NKAIN2: variants seen among roughly 807,000 people sequenced by gnomAD.
The protein encoded by NKAIN2 is sodium/potassium-transporting ATPase subunit beta-1-interacting protein 2.
In NKAIN2, 14 loss-of-function variants were observed where a neutral mutation model predicts 32.6. That is an observed-to-expected ratio of 0.43 (90% CI 0.28 to 0.67). The LOEUF (loss-of-function observed/expected upper bound fraction) is 0.67. NKAIN2 is among the 30% of genes least tolerant of loss of function. The pLI is 0.17. For synonymous variants in NKAIN2, 80 were observed against 87.2 expected (o/e 0.92, Z 0.46); for missense variants, 198 against 258.3 (o/e 0.77, Z 1.60).
intron 1 of NKAIN2, among the ~76,000 whole-genome samples, chr6:123,841,720 A>G (rs754228900): frequency 6.6e-6 from 1 of 152,104 alleles, no homozygotes; most frequent in African/African-American, 2.4e-5. Flanking sequence ...ATAACCCTCA[A>G]CGTCCAGGAT....
intron 3 of NKAIN2, among the ~76,000 whole-genome samples, chr6:124,573,554 A>G (rs1188143888): frequency 6.6e-6 from 1 of 151,610 alleles, no homozygotes; most frequent in Non-Finnish European, 1.5e-5. Context: ...TTCACAAATT[A>G]TTTTTCTAAA....
chr6:124,244,381 A>G (rs1055264017), intron 1 of NKAIN2, among the ~76,000 whole-genome samples: 1 of 151,368 alleles, frequency 6.6e-6, no homozygotes, highest in Non-Finnish European at 1.5e-5. Flanking sequence ...GAGAATGATG[A>G]TTTCCAGTTT....
chr6:124,071,623 T>TA (rs1322059161), intron 1 of NKAIN2, among the ~76,000 whole-genome samples: 34 of 151,980 alleles, frequency 2.2e-4, no homozygotes, highest in Admixed American at 1.2e-3. Context: ...TTAAACAATT[T>TA]AACAAGTCAA....
chr6:124,404,833 A>G lies in NKAIN2; in HGVS notation c.273+49486A>G, dbSNP rs376769326. 2.1e-4 allele frequency among the ~76,000 whole-genome samples: 32 copies of G among 152,304 alleles called. No individual in the cohort carries two copies. In the South Asian group the frequency reaches 6.6e-3, roughly 32 times the overall value. On this transcript the variant is annotated intron_variant, in intron 3 of 6. Coordinates refer to ENST00000368417, the MANE Select transcript of NKAIN2 (RefSeq NM_001040214.3). Reference sequence around the variant, plus strand: ...TAAATCTTGTATCTTAAATTTACCAAGAGATTCTTTTTATTCATTTCATTC... The same window carrying G: ...TAAATCTTGTATCTTAAATTTACCAGGAGATTCTTTTTATTCATTTCATTC...
intron 1 of NKAIN2, among the ~76,000 whole-genome samples, chr6:124,261,428 T>G (rs1212227829): frequency 1.3e-5 from 2 of 152,210 alleles, no homozygotes; most frequent in African/African-American, 4.8e-5. Context: ...TAGTTGCACC[T>G]GATTTACATG....
chr6:123,976,348 CATATATATATATATATATATTCCCATAT>C lies in NKAIN2; in HGVS notation c.54+172115_54+172142del, dbSNP rs1180991076. Among the ~76,000 whole-genome samples the C allele has an allele frequency of 9.6e-3, 132 of 13,682 alleles. 12 individuals are homozygous for C. The highest frequency in any genetic ancestry group is 0.032 in the African/African-American group (129 of 4,024). The allele number at this position is 13,682 out of a possible 152,430, so 9.0% of individuals were successfully genotyped here. ...ATGTTCCCATATATATATATGTTCC[CATATATATATATATATATATTCCCATAT>C]ATATATATATATATATATATATATA... On this transcript the variant is annotated intron_variant, in intron 1 of 6. Transcript: ENST00000368417.
In NKAIN2 at chr6:124,155,850, G is replaced by A. The variant is rs1787957565; in HGVS notation, c.55-127155G>A. Among the ~76,000 whole-genome samples the A allele has an allele frequency of 3.3e-5, 5 of 151,748 alleles. No individual in the cohort carries two copies. In the South Asian group the frequency reaches 1.0e-3, roughly 31 times the overall value. ...GCATAAATGAAAAGATAAATGGTGTGATCTCATTTCATATTGTTTCCTTGG... is the reference window on the plus strand; with the variant it reads ...GCATAAATGAAAAGATAAATGGTGTAATCTCATTTCATATTGTTTCCTTGG... On this transcript the variant is annotated intron_variant, in intron 1 of 6. Coordinates refer to ENST00000368417, the MANE Select transcript of NKAIN2 (RefSeq NM_001040214.3).
At chr6:124,202,838 T>C (rs373686166) in intron 1 of NKAIN2, among the ~76,000 whole-genome samples, 13 of 151,882 alleles carry the variant, frequency 8.6e-5, no homozygotes, top group African/African-American at 3.1e-4. Context: ...GAGTTATATG[T>C]AGGATTCTTG....
intron 3 of NKAIN2, among the ~76,000 whole-genome samples, chr6:124,431,250 C>A (rs1370461510): frequency 6.6e-6 from 1 of 152,098 alleles, no homozygotes; most frequent in African/African-American, 2.4e-5. Flanking sequence ...TCCCTCTTCT[C>A]TATTTACTCG....
intron 2 of NKAIN2, among the ~76,000 whole-genome samples, chr6:124,341,851 C>T (rs1049596733): frequency 1.3e-5 from 2 of 152,128 alleles, no homozygotes; most frequent in African/African-American, 2.4e-5. Flanking sequence ...AATTAGAACA[C>T]AAGATTTACA....
At chr6:124,820,639 C>T (rs1364968145) in intron 6 of NKAIN2, among the ~76,000 whole-genome samples, 3 of 152,150 alleles carry the variant, frequency 2.0e-5, no homozygotes, top group Non-Finnish European at 2.9e-5. Context: ...TCCCCTGGGC[C>T]GTGAATAGTC....
chr6:124,258,672 A>T (rs1794070627), intron 1 of NKAIN2, among the ~76,000 whole-genome samples: 1 of 152,236 alleles, frequency 6.6e-6, no homozygotes, highest in African/African-American at 2.4e-5. Context: ...GGAAAATAAC[A>T]GTTTTCACCA....
At chr6:124,766,255 T>A (rs1778509435) in intron 4 of NKAIN2, among the ~76,000 whole-genome samples, 1 of 152,194 alleles carries the variant, frequency 6.6e-6, no homozygotes, top group Admixed American at 6.5e-5. Flanking sequence ...TCGTTTAAAG[T>A]GCCTCTTAGG....
intron 3 of NKAIN2, among the ~76,000 whole-genome samples, chr6:124,615,835 T>C (rs1025962526): frequency 2.0e-5 from 3 of 152,230 alleles, no homozygotes; most frequent in Non-Finnish European, 2.9e-5. Flanking sequence ...TCTCTTTTCA[T>C]GTTCAATGAC....
At chr6:124,586,956 C>T (rs1211757389) in intron 3 of NKAIN2, among the ~76,000 whole-genome samples, 1 of 152,186 alleles carries the variant, frequency 6.6e-6, no homozygotes, top group Non-Finnish European at 1.5e-5. Flanking sequence ...ATTTATACAA[C>T]TCCTCTTATA....
intron 4 of NKAIN2, among the ~76,000 whole-genome samples, chr6:124,765,967 A>T (rs1778496448): frequency 6.6e-6 from 1 of 152,226 alleles, no homozygotes; most frequent in Admixed American, 6.5e-5. Flanking sequence ...TCTGCTACAC[A>T]TCTAAAACAA....
intron 1 of NKAIN2, among the ~76,000 whole-genome samples, chr6:123,829,832 A>G (rs1042166847): frequency 6.6e-6 from 1 of 152,226 alleles, no homozygotes; most frequent in African/African-American, 2.4e-5. Flanking sequence ...AAAGTAACTA[A>G]CTAATCATGC....
chr6:124,476,658 A>G lies in NKAIN2; in HGVS notation c.273+121311A>G, dbSNP rs139261013. ...TAAATGTATTGTCATAACAAGGGAAATATACCCCATGACAGCACCAAGTCA... is the reference window on the plus strand; with the variant it reads ...TAAATGTATTGTCATAACAAGGGAAGTATACCCCATGACAGCACCAAGTCA... On this transcript the variant is annotated intron_variant, in intron 3 of 6. Transcript: ENST00000368417. Among the ~76,000 whole-genome samples the G allele has an allele frequency of 9.2e-3, 1,398 of 152,310 alleles. 21 individuals carry two copies. The highest frequency in any genetic ancestry group is 0.032 in the African/African-American group (1,337 of 41,560).
At chr6:123,991,842 C>T (rs940776761) in intron 1 of NKAIN2, among the ~76,000 whole-genome samples, 7 of 151,384 alleles carry the variant, frequency 4.6e-5, no homozygotes, top group South Asian at 2.1e-4. Flanking sequence ...ACAGCCTGGG[C>T]GACATAGCGA....
Sources: allele counts gnomAD v4.1 joint callset (sites outside exome capture counted in the v4.1 genomes callset), GRCh38; gene constraint gnomAD v4.1.1; transcripts MANE v1.5; gene names NCBI Gene and HGNC (gene_info 2026-07-23, HGNC 2026-07-21).